Variants in NPM1 observed in about 807,000 individuals in gnomAD.
The protein encoded by NPM1 is nucleophosmin 1.
A neutral mutation model predicts 44.1 loss-of-function variants in NPM1; 1 was observed. The observed-to-expected ratio is 0.02, with a 90% CI of 0.01 to 0.11. NPM1 has a LOEUF of 0.11. Ranked by LOEUF, NPM1 falls within the 10% of genes least tolerant of loss-of-function variation. The pLI, the probability that NPM1 is intolerant of heterozygous loss-of-function variation, is 1.00. For missense variants in NPM1, 197 were observed against 347.8 expected (o/e 0.57, Z 3.45); for synonymous variants, 126 against 111.8 (o/e 1.13, Z -0.80).
intron 6 of NPM1, among the ~76,000 whole-genome samples, chr5:171,394,240 A>G (rs143333805): frequency 1.3e-5 from 2 of 151,856 alleles, no homozygotes; most frequent in African/African-American, 4.8e-5. Flanking sequence ...GGGTTTCAGT[A>G]TGTTGGTCCG....
At chr5:171,400,664 T>C in intron 7 of NPM1, 175 bp from the exon 8 acceptor site, 1 of 516,948 alleles carries the variant, frequency 1.9e-6, no homozygotes, top group South Asian at 2.3e-5. Context: ...GCCAGGCTGG[T>C]CTCGAACTCC....
chr5:171,400,797 T>C (rs371838434), intron 7 of NPM1, 42 bp from the exon 8 acceptor site: 26 of 1,311,046 alleles, frequency 2.0e-5, no homozygotes, highest in Non-Finnish European at 2.6e-5. Flanking sequence ...TGCACTGTTG[T>C]TGGGGTCAGG....
Position 171,403,625 on chromosome 5 carries a change from C to T in NPM1, c.670-1677C>T, listed in dbSNP as rs1239427141. 2.9e-4 allele frequency among the ~76,000 whole-genome samples: 34 copies of T among 118,716 alleles called. 1 individual carries two copies. The highest frequency in any genetic ancestry group is 4.8e-3 in the Middle Eastern group (1 of 208). 77.9% of individuals were successfully genotyped at this position (118,716 alleles called of 152,430 possible). A position where few individuals can be genotyped will look rare whatever the true frequency, so the allele number is the denominator to read the frequency against. ...TCACCTCCCGGACGGGGCGGCTGGCCGGGCAGGGGGGCTGACCCCCCCCAC... is the reference window on the plus strand; with the variant it reads ...TCACCTCCCGGACGGGGCGGCTGGCTGGGCAGGGGGGCTGACCCCCCCCAC... On this transcript the variant is annotated intron_variant, in intron 8 of 10. Coordinates refer to ENST00000296930, the MANE Select transcript of NPM1 (RefSeq NM_002520.7).
chr5:171,387,465 A>G (rs760030190), upstream of NPM1, among the ~76,000 whole-genome samples: 8 of 152,208 alleles, frequency 5.3e-5, no homozygotes, highest in Non-Finnish European at 1.2e-4. Context: ...AACCCGCCAT[A>G]TCTTACACAG....
Position 171,390,144 on chromosome 5 carries a change from C to G in NPM1, c.138+14C>G. On this transcript the variant is annotated intron_variant, in intron 2 of 10. Coordinates refer to ENST00000296930, the MANE Select transcript of NPM1 (RefSeq NM_002520.7). ...TCTTTAAGAACGGTACTTAAACTTT[C>G]AAAATAAACTACTTAACCCTACTTG... 3 of 1,399,654 alleles carry G rather than the reference C, an allele frequency of 2.1e-6. No individual in the cohort carries two copies. The highest frequency in any genetic ancestry group is 2.0e-6 in the Non-Finnish European group (2 of 1,018,138). The allele number at this position is 1,399,654 out of a possible 1,614,324, so 86.7% of individuals were successfully genotyped here. A position where few individuals can be genotyped will look rare whatever the true frequency, so the allele number is the denominator to read the frequency against.
chr5:171,399,239 G>A (rs1188726677), intron 6 of NPM1, among the ~76,000 whole-genome samples: 1 of 151,580 alleles, frequency 6.6e-6, no homozygotes, highest in African/African-American at 2.4e-5. Context: ...GCCTCTTTGG[G>A]TCCCTTAAGT....
intron 6 of NPM1, among the ~76,000 whole-genome samples, chr5:171,394,849 C>A (rs1304552388): frequency 1.3e-5 from 2 of 151,966 alleles, no homozygotes; most frequent in Non-Finnish European, 2.9e-5. Context: ...TAGTATTGAC[C>A]CTGTTGGGGC....
intron 6 of NPM1, among the ~76,000 whole-genome samples, chr5:171,398,038 G>C (rs979994054): frequency 2.6e-5 from 4 of 151,742 alleles, no homozygotes; most frequent in Admixed American, 2.6e-4. Context: ...GGCCCGCCTC[G>C]GCCTCCCACA....
intron 9 of NPM1, chr5:171,406,372 T>A (rs776690540): frequency 1.9e-6 from 3 of 1,600,316 alleles, no homozygotes; most frequent in Non-Finnish European, 2.6e-6. Flanking sequence ...TTTAATATGG[T>A]CCTATCTCCT....
intron 6 of NPM1, among the ~76,000 whole-genome samples, chr5:171,394,686 C>CTAATTTCTAA (rs1770784968): frequency 6.6e-6 from 1 of 152,148 alleles, no homozygotes; most frequent in Non-Finnish European, 1.5e-5. Context: ...GCTAAAAACA[C>CTAATTTCTAA]AAATTAGAAA....
intron 7 of NPM1, among the ~76,000 whole-genome samples, chr5:171,400,519 C>T (rs527499334): frequency 2.0e-5 from 3 of 149,548 alleles, no homozygotes; most frequent in South Asian, 4.3e-4. Context: ...TACAGTGGCG[C>T]GATCTCAGCT....
chr5:171,391,394 G>A lies in NPM1; in HGVS notation c.228G>A (p.Leu76=), dbSNP rs2113169437. ...AAGGCAGTCCAATTAAAGTAACACT[G>A]GCAACTTTGAAAATGTCTGTACAGC... The part of the protein sequence containing the change: ...NYEGSPIKVT[L]ATLKMSVQPT... Residue 76 remains leucine (L), a synonymous_variant, in exon 3 of 11, where the codon CTG becomes CTA. Transcript: ENST00000296930. 5.6e-6 allele frequency: 9 copies of A among 1,609,776 alleles called. No individual in the cohort carries two copies. Among genetic ancestry groups the A allele is most frequent in the Non-Finnish European group, 7.6e-6 (9 of 1,179,926 alleles).
At chr5:171,399,089 TC>T (rs1351987385) in intron 6 of NPM1, among the ~76,000 whole-genome samples, 1 of 152,196 alleles carries the variant, frequency 6.6e-6, no homozygotes, top group African/African-American at 2.4e-5. Flanking sequence ...CCTCAGGTGA[TC>T]TGGCCGTCTC....
At chr5:171,404,914 A>G (rs1014528934) in intron 8 of NPM1, among the ~76,000 whole-genome samples, 8 of 152,170 alleles carry the variant, frequency 5.3e-5, no homozygotes, top group Admixed American at 3.3e-4. Flanking sequence ...AGTACTGTGC[A>G]TAAAAGCAAA....
chr5:171,404,553 A>G (rs1251043014), intron 8 of NPM1, among the ~76,000 whole-genome samples: 1 of 71,892 alleles, frequency 1.4e-5, no homozygotes, highest in Admixed American at 1.5e-4. Context: ...CCGGGCAGAG[A>G]CGCTCCTCAC....
chr5:171,391,449 T>C, intron 3 of NPM1, 25 bp downstream of exon 3: 3 of 1,604,182 alleles, frequency 1.9e-6, no homozygotes, highest in Non-Finnish European at 1.7e-6. Context: ...ATACTTTGGA[T>C]GTTGTGTCAA....
At chr5:171,403,696 C>A (rs1365077157) in intron 8 of NPM1, among the ~76,000 whole-genome samples, 2 of 148,058 alleles carry the variant, frequency 1.4e-5, no homozygotes, top group African/African-American at 4.9e-5. Context: ...GCTGACCCCC[C>A]CACCTCCCTC....
At chr5:171,398,200 C>A (rs1771012068) in intron 6 of NPM1, among the ~76,000 whole-genome samples, 1 of 152,202 alleles carries the variant, frequency 6.6e-6, no homozygotes, top group East Asian at 1.9e-4. Context: ...GGCCTTTGAA[C>A]AAGTTTTTAA....
chr5:171,396,767 G>T (rs923402356), intron 6 of NPM1, among the ~76,000 whole-genome samples: 5 of 152,110 alleles, frequency 3.3e-5, no homozygotes, highest in African/African-American at 9.7e-5. Flanking sequence ...GATCACCTGA[G>T]GTCAGGAGTT....
Sources: allele counts gnomAD v4.1 joint callset (sites outside exome capture counted in the v4.1 genomes callset), GRCh38; gene constraint gnomAD v4.1.1; transcripts MANE v1.5; gene names NCBI Gene and HGNC (gene_info 2026-07-23, HGNC 2026-07-21).